The following ANKS3 variants were observed in gnomAD, a reference collection of about 807,000 sequenced individuals.
ANKS3 encodes ankyrin repeat and sterile alpha motif domain containing 3, also known as ankyrin repeat and SAM domain-containing protein 3.
A neutral mutation model predicts 80.7 loss-of-function variants in ANKS3; 62 were observed. The observed-to-expected ratio is 0.77, with a 90% CI of 0.63 to 0.95. ANKS3 has a LOEUF of 0.95. Among genes scored for constraint, ANKS3 ranks in the 40% least tolerant of loss-of-function variants. The probability of loss-of-function intolerance (pLI) is 0.00; values close to 1 mark genes in which losing one functional copy is unlikely to be tolerated. For missense variants in ANKS3, 1,150 were observed against 883.6 expected (o/e 1.30, Z -3.82); for synonymous variants, 489 against 355.3 (o/e 1.38, Z -4.23).
In ANKS3 at chr16:4,734,069, C is replaced by T; in HGVS notation, c.-202G>A. 1 of 973,788 alleles carries T rather than the reference C, an allele frequency of 1.0e-6. No individual in the cohort carries two copies. Among genetic ancestry groups the T allele is most frequent in the Non-Finnish European group, 1.2e-6 (1 of 819,242 alleles). The allele number at this position is 973,788 out of a possible 1,614,324, so 60.3% of individuals were successfully genotyped here. A position where few individuals can be genotyped will look rare whatever the true frequency, so the allele number is the denominator to read the frequency against. ...CTCGGTCCTCCAGTCACGCGGCGAGCAAGTGCAGCGCGGGACGCCCGAGCG... is the reference window on the plus strand; with the variant it reads ...CTCGGTCCTCCAGTCACGCGGCGAGTAAGTGCAGCGCGGGACGCCCGAGCG... On this transcript the variant is annotated 5_prime_UTR_variant, in exon 1 of 18. Transcript: ENST00000304283.
intron 8 of ANKS3, among the ~76,000 whole-genome samples, chr16:4,702,958 G>A (rs955639538): frequency 6.6e-6 from 1 of 152,118 alleles, no homozygotes; most frequent in African/African-American, 2.4e-5. Flanking sequence ...AGCTATGATC[G>A]TGCCACTGCA....
At position 4,697,416 on chromosome 16, in the gene ANKS3, T is replaced by A. The variant is rs1256771008; in HGVS notation, c.1811A>T (p.Asp604Val). ...CAGGGACGCTTGCCAGCCCTTGGAG[T>A]CTGTGGTGCAGGTGCAGGGACCGAG... ...ATLGLAVPPADSKGWQASLQA... is the reference protein window; with the variant it reads ...ATLGLAVPPAVSKGWQASLQA... The change falls in exon 16 of 18, where the codon GAC (aspartate) becomes GTC (valine). Residue 604 changes from aspartate (D) to valine (V), a missense_variant and splice_region_variant. Coordinates refer to ENST00000304283, the MANE Select transcript of ANKS3 (RefSeq NM_133450.4). 1 of 1,600,558 alleles carries A rather than the reference T, an allele frequency of 6.2e-7. No homozygotes were observed. Among genetic ancestry groups the A allele is most frequent in the Non-Finnish European group, 8.5e-7 (1 of 1,174,158 alleles).
At chr16:4,726,565 C>A in intron 5 of ANKS3, 94 bp downstream of exon 5, 1 of 1,401,262 alleles carries the variant, frequency 7.1e-7, no homozygotes, top group Admixed American at 1.9e-5. Flanking sequence ...AGCAGGGTGG[C>A]CCTAAACTCT....
chr16:4,705,377 CA>C lies in ANKS3; in HGVS notation c.710-125del, dbSNP rs1280166777. ...TTAAATTAAGGAGAAGGGTATCTGC[CA>C]GGGCATCACTTCTGAGAAATGCCCT... On this transcript the variant is annotated intron_variant, in intron 7 of 17. Coordinates refer to ENST00000304283, the MANE Select transcript of ANKS3 (RefSeq NM_133450.4). 2.5e-6 allele frequency: 3 copies of C among 1,180,862 alleles called. No homozygotes were observed. In the African/African-American group the frequency reaches 4.6e-5, roughly 18 times the overall value. 73.1% of individuals were successfully genotyped at this position (1,180,862 alleles called of 1,614,324 possible).
intron 6 of ANKS3, among the ~76,000 whole-genome samples, chr16:4,718,450 T>G (rs2080919132): frequency 6.6e-6 from 1 of 152,216 alleles, no homozygotes; most frequent in African/African-American, 2.4e-5. Context: ...TGCTGGGGCT[T>G]GGCCCCACTG....
chr16:4,701,016 G>T lies in ANKS3; in HGVS notation c.1238C>A (p.Ala413Asp). 1 of 1,614,076 alleles carries T rather than the reference G, an allele frequency of 6.2e-7. No homozygotes were observed. Among genetic ancestry groups the T allele is most frequent in the Non-Finnish European group, 8.5e-7 (1 of 1,180,006 alleles). The change falls in exon 11 of 18, where the codon GCT (alanine) becomes GAT (aspartate). Residue 413 changes from alanine to aspartate, a missense_variant. Physicochemically the swap from Ala to Asp is moderately radical, Grantham distance 126. Transcript: ENST00000304283. ...RAATDREGFL[A>D]ESSPQTQRAP... ...CCTCTGAGTCTGGGGGCTGGACTCA[G>T]CGAGAAAGCCTTCCCTGTCAGTTGC...
chr16:4,706,507 C>G (rs13331452), intron 7 of ANKS3, among the ~76,000 whole-genome samples: 44,697 of 152,152 alleles, frequency 0.29, 6,755 homozygotes, highest in East Asian at 0.42. Context: ...AAAGTGCTGG[C>G]ATCACAGGAG....
intron 6 of ANKS3, among the ~76,000 whole-genome samples, chr16:4,719,870 G>C (rs1358855081): frequency 1.3e-5 from 2 of 151,734 alleles, no homozygotes; most frequent in African/African-American, 4.8e-5. Context: ...GAGCCAAAAA[G>C]TCTAACATCC....
chr16:4,699,746 C>T (rs2079795781), intron 11 of ANKS3: 1 of 155,408 alleles, frequency 6.4e-6, no homozygotes, highest in Non-Finnish European at 1.4e-5. Context: ...TTTTTTTACT[C>T]ATTCTTTCTG....
At position 4,734,266 on chromosome 16, in the gene ANKS3, G is replaced by T. The variant is rs1018669531; in HGVS notation, c.-399C>A. The T allele has an allele frequency of 6.5e-6, 1 of 154,490 alleles. No homozygotes were observed. Among genetic ancestry groups the T allele is most frequent in the Non-Finnish European group, 1.4e-5 (1 of 70,078 alleles). The allele number at this position is 154,490 out of a possible 1,614,324, so 9.6% of individuals were successfully genotyped here. A position where few individuals can be genotyped will look rare whatever the true frequency, so the allele number is the denominator to read the frequency against. Reference sequence around the variant, plus strand: ...GGGCACCGCCCCCGGCACCCGCCCCGGAAGTAGTTGCGGGAGGGCGCGGAG... The same window carrying T: ...GGGCACCGCCCCCGGCACCCGCCCCTGAAGTAGTTGCGGGAGGGCGCGGAG... On this transcript the variant is annotated 5_prime_UTR_variant, in exon 1 of 18. Transcript: ENST00000304283.
At chr16:4,712,057 T>C (rs1014235564) in intron 7 of ANKS3, among the ~76,000 whole-genome samples, 1 of 152,088 alleles carries the variant, frequency 6.6e-6, no homozygotes, top group Non-Finnish European at 1.5e-5. Context: ...CCATACCTGA[T>C]AGACAGAACA....
chr16:4,714,241 T>A, intron 6 of ANKS3, 55 bp from the exon 7 acceptor site: 1 of 1,599,398 alleles, frequency 6.3e-7, no homozygotes, highest in South Asian at 1.1e-5. Flanking sequence ...CACCTGCCCT[T>A]CCTGGGCTGC....
Position 4,701,099 on chromosome 16 carries a change from T to C in ANKS3, c.1155A>G (p.Lys385=), listed in dbSNP as rs1167304579. 3 of 1,614,010 alleles carry C rather than the reference T, an allele frequency of 1.9e-6. No homozygotes were observed. Among genetic ancestry groups the C allele is most frequent in the Admixed American group, 3.3e-5 (2 of 60,026 alleles). Reference sequence around the variant, plus strand: ...TGGTCTTCATGTAACTTTTAGCTTGTTTGCGAGCTGAGCTTTTACAGGCAT... The same window carrying C: ...TGGTCTTCATGTAACTTTTAGCTTGCTTGCGAGCTGAGCTTTTACAGGCAT... ...SDHACKSSAR[K]QAKSYMKTKN... The change falls in exon 11 of 18, where the codon AAA becomes AAG. Residue 385 remains lysine, a synonymous_variant. Transcript: ENST00000304283.
intron 15 of ANKS3, 39 bp from the exon 16 acceptor site, chr16:4,697,455 T>C: frequency 6.7e-7 from 1 of 1,500,224 alleles, no homozygotes; most frequent in Non-Finnish European, 9.0e-7. Context: ...GCTGGGGGTC[T>C]GCGTCCCCAC....
At chr16:4,723,653 C>G (rs1043797092) in intron 6 of ANKS3, among the ~76,000 whole-genome samples, 1 of 152,100 alleles carries the variant, frequency 6.6e-6, no homozygotes. Context: ...TTTGTAGGGC[C>G]GAATAATATC....
At chr16:4,709,026 G>C (rs2080348416) in intron 7 of ANKS3, among the ~76,000 whole-genome samples, 1 of 152,122 alleles carries the variant, frequency 6.6e-6, no homozygotes, top group Non-Finnish European at 1.5e-5. Flanking sequence ...AGCACTGTGG[G>C]AGACTGAGGT....
chr16:4,723,974 C>T (rs1036721147), intron 6 of ANKS3, among the ~76,000 whole-genome samples: 2 of 152,074 alleles, frequency 1.3e-5, no homozygotes, highest in Middle Eastern at 3.2e-3. Context: ...GCAGGAGGAT[C>T]GCTTGAGCCC....
intron 6 of ANKS3, chr16:4,717,324 G>A (rs777670262): frequency 8.5e-5 from 13 of 152,308 alleles, no homozygotes; most frequent in Admixed American, 2.0e-4. Context: ...TGAGGTGGGC[G>A]GATCACTTGA....
intron 15 of ANKS3, 42 bp downstream of exon 15, chr16:4,697,935 C>G (rs772911851): frequency 2.0e-6 from 3 of 1,470,518 alleles, no homozygotes; most frequent in Non-Finnish European, 2.7e-6. Flanking sequence ...GGCTCCCCCA[C>G]CTTCCCCTCT....
Sources: gnomAD v4.1 joint callset for allele counts (sites outside exome capture counted in the v4.1 genomes callset) on GRCh38, gnomAD v4.1.1 for gene constraint, MANE v1.5 for transcripts, NCBI Gene and HGNC (gene_info 2026-07-23, HGNC 2026-07-21) for gene names.